Variants in TMEM45A observed in about 807,000 individuals in gnomAD.
The protein encoded by TMEM45A is DNA polymerase-transactivated protein 4.
In TMEM45A, 25 loss-of-function variants were observed where a neutral mutation model predicts 32.0. The observed-to-expected ratio is 0.78, with a 90% CI of 0.57 to 1.09. TMEM45A has a LOEUF of 1.09. TMEM45A is among the 50% of genes least tolerant of loss of function. TMEM45A has a pLI of 0.00. For synonymous variants in TMEM45A, 122 were observed against 114.8 expected, an observed-to-expected ratio of 1.06 and a Z score of -0.40; for missense variants, 302 against 325.0, an observed-to-expected ratio of 0.93 and a Z score of 0.54.
intron 2 of TMEM45A, 75 bp downstream of exon 2, chr3:100,555,476 T>C (rs1706201376): frequency 7.1e-7 from 1 of 1,409,330 alleles, no homozygotes; most frequent in Non-Finnish European, 9.6e-7. Flanking sequence ...TTGGAGCTTC[T>C]GAAATAATTT....
intron 4 of TMEM45A, among the ~76,000 whole-genome samples, chr3:100,565,808 A>G (rs954573595): frequency 2.6e-5 from 4 of 152,166 alleles, no homozygotes; most frequent in Admixed American, 1.3e-4. Flanking sequence ...TAATATTTTT[A>G]AAGTGTACAA....
At position 100,555,333 on chromosome 3, in the gene TMEM45A, G is replaced by T. The variant is rs1428065735; in HGVS notation, c.122G>T (p.Gly41Val). ...AAGCAAAAGCGAACCTGCTATCTTG[G>T]TTCCAAAACATTATTCTATCGATTG... The part of the protein sequence containing the change: ...CKKQKRTCYL[G>V]SKTLFYRLEI... The change falls in exon 2 of 6, where the codon GGT (glycine) becomes GTT (valine). Residue 41 changes from glycine (G) to valine (V), a missense_variant. By Grantham distance (109) the Gly-to-Val change is moderately radical. Coordinates refer to ENST00000323523, the MANE Select transcript of TMEM45A (RefSeq NM_018004.3). 6.2e-7 allele frequency: 1 copy of T among 1,613,986 alleles called. No individual in the cohort carries two copies. Among genetic ancestry groups the T allele is most frequent in the Non-Finnish European group, 8.5e-7 (1 of 1,179,950 alleles).
intron 1 of TMEM45A, among the ~76,000 whole-genome samples, chr3:100,495,164 G>GGA (rs1247905170): frequency 6.6e-6 from 1 of 152,198 alleles, no homozygotes; most frequent in African/African-American, 2.4e-5. Context: ...GAGGCTATAA[G>GGA]GAGAGAGAGT....
At chr3:100,558,905 T>C (rs1372061074) in intron 4 of TMEM45A, among the ~76,000 whole-genome samples, 4 of 152,290 alleles carry the variant, frequency 2.6e-5, no homozygotes, top group Middle Eastern at 3.4e-3. Flanking sequence ...TTAAGAAATA[T>C]ATAGAAGGCA....
At chr3:100,564,433 A>G (rs1706386765) in intron 4 of TMEM45A, among the ~76,000 whole-genome samples, 1 of 151,868 alleles carries the variant, frequency 6.6e-6, no homozygotes, top group Non-Finnish European at 1.5e-5. Flanking sequence ...AATGTTTCCT[A>G]ATTTTTTAAG....
At chr3:100,519,675 A>G in intron 1 of TMEM45A, 1 of 1,469,304 alleles carries the variant, frequency 6.8e-7, no homozygotes, top group African/African-American at 1.4e-5. Context: ...CTTTTGATTC[A>G]TAAAGACCTA....
chr3:100,492,778 C>T lies in TMEM45A; in HGVS notation c.-154C>T, dbSNP rs1170536473. The T allele has an allele frequency of 6.8e-6, 1 of 147,770 alleles. No individual in the cohort carries two copies. Among genetic ancestry groups the T allele is most frequent in the African/African-American group, 2.6e-5 (1 of 39,190 alleles). The allele number at this position is 147,770 out of a possible 1,614,324, so 9.2% of individuals were successfully genotyped here. A position where few individuals can be genotyped will look rare whatever the true frequency, so the allele number is the denominator to read the frequency against. On this transcript the variant is annotated 5_prime_UTR_variant, in exon 1 of 6. The change creates a new upstream start codon in the 5' untranslated region. Coordinates refer to ENST00000323523, the MANE Select transcript of TMEM45A (RefSeq NM_018004.3). Reference sequence around the variant, plus strand: ...ATTCCTCCCCCCACCCAATGCGAGACGTGGCCAGATCCCATCCAACACACG... The same window carrying T: ...ATTCCTCCCCCCACCCAATGCGAGATGTGGCCAGATCCCATCCAACACACG...
chr3:100,522,997 C>T (rs529761604), intron 1 of TMEM45A, among the ~76,000 whole-genome samples: 6 of 152,334 alleles, frequency 3.9e-5, no homozygotes, highest in African/African-American at 1.2e-4. Context: ...GCCAACACTG[C>T]ATGTCCCCTG....
chr3:100,516,052 ACT>A (rs1323149544), intron 1 of TMEM45A, among the ~76,000 whole-genome samples: 1 of 152,170 alleles, frequency 6.6e-6, no homozygotes, highest in Non-Finnish European at 1.5e-5. Flanking sequence ...TATCCCAGAT[ACT>A]CTAACTTGAT....
At chr3:100,541,322 T>G (rs1331352686) in intron 1 of TMEM45A, among the ~76,000 whole-genome samples, 1 of 152,166 alleles carries the variant, frequency 6.6e-6, no homozygotes, top group Non-Finnish European at 1.5e-5. Context: ...CAGAAGATCT[T>G]TAGTTTAATT....
intron 1 of TMEM45A, among the ~76,000 whole-genome samples, chr3:100,499,690 A>G (rs974040747): frequency 9.2e-5 from 14 of 152,190 alleles, no homozygotes; most frequent in African/African-American, 3.4e-4. Flanking sequence ...CAGCCTAAGC[A>G]ACATAGCGAA....
chr3:100,503,619 A>G (rs1315381634), intron 1 of TMEM45A, among the ~76,000 whole-genome samples: 1 of 152,248 alleles, frequency 6.6e-6, no homozygotes. Context: ...GACTTTGTCC[A>G]ATGTAAGATA....
chr3:100,568,004 C>T (rs570492290), intron 4 of TMEM45A, among the ~76,000 whole-genome samples: 1 of 152,264 alleles, frequency 6.6e-6, no homozygotes, highest in South Asian at 2.1e-4. Flanking sequence ...CCAGGATGGT[C>T]TCGATCTCCT....
chr3:100,576,871 C>T, intron 5 of TMEM45A, 54 bp from the exon 6 acceptor site: 1 of 1,370,012 alleles, frequency 7.3e-7, no homozygotes, highest in Non-Finnish European at 1.0e-6. Context: ...GCATATTGCT[C>T]TGGGTTTCTA....
chr3:100,498,587 G>C (rs1384169764), intron 1 of TMEM45A, among the ~76,000 whole-genome samples: 1 of 151,946 alleles, frequency 6.6e-6, no homozygotes, highest in Non-Finnish European at 1.5e-5. Context: ...GTGTGTGTTT[G>C]TGTGTGTGTC....
At chr3:100,552,550 T>C (rs1389888533) in intron 1 of TMEM45A, among the ~76,000 whole-genome samples, 2 of 152,186 alleles carry the variant, frequency 1.3e-5, no homozygotes. Flanking sequence ...TGTTCATATT[T>C]TGGGTTTGGG....
intron 1 of TMEM45A, among the ~76,000 whole-genome samples, chr3:100,510,904 G>C (rs980646384): frequency 1.3e-5 from 2 of 152,204 alleles, no homozygotes; most frequent in Non-Finnish European, 2.9e-5. Context: ...GAAATGAAGT[G>C]AGAAGGGAAG....
At chr3:100,573,556 A>C (rs1467853404) in intron 5 of TMEM45A, 1 of 152,188 alleles carries the variant, frequency 6.6e-6, no homozygotes, top group Non-Finnish European at 1.5e-5. Context: ...AACAGGGACA[A>C]TTTGACCTCC....
At position 100,492,755 on chromosome 3, in the gene TMEM45A, T is replaced by TCCCCCCCCCCCCC. The variant is rs755848570; in HGVS notation, c.-175_-174insCCCCCCCCCCCCC. 1.3e-4 allele frequency: 18 copies of TCCCCCCCCCCCCC among 143,512 alleles called. No homozygotes were observed. Among genetic ancestry groups the TCCCCCCCCCCCCC allele is most frequent in the African/African-American group, 1.9e-4 (7 of 36,838 alleles). The allele number at this position is 143,512 out of a possible 1,614,324, so 8.9% of individuals were successfully genotyped here. On this transcript the variant is annotated 5_prime_UTR_variant, in exon 1 of 6. Transcript: ENST00000323523. ...CGACTAGGGACCCAAGTTTAAAAAT[T>TCCCCCCCCCCCCC]CCTCCCCCCACCCAATGCGAGACGT... is the stretch of plus-strand genomic sequence containing the variant.
Sources: gnomAD v4.1 joint callset for allele counts (sites outside exome capture counted in the v4.1 genomes callset) on GRCh38, gnomAD v4.1.1 for gene constraint, MANE v1.5 for transcripts, NCBI Gene and HGNC (gene_info 2026-07-23, HGNC 2026-07-21) for gene names.